LCLAT1: variants seen among roughly 807,000 people sequenced by gnomAD.
LCLAT1 encodes the protein 1-AGP acyltransferase 8.
A neutral mutation model predicts 30.7 loss-of-function variants in LCLAT1; 11 were observed. That is an observed-to-expected ratio of 0.36 (90% CI 0.23 to 0.59). LCLAT1 has a LOEUF of 0.59. Among genes scored for constraint, LCLAT1 ranks in the 20% least tolerant of loss-of-function variants. The probability of loss-of-function intolerance (pLI) is 0.77; values close to 1 mark genes in which losing one functional copy is unlikely to be tolerated. For missense variants in LCLAT1, 402 were observed against 458.6 expected, an observed-to-expected ratio of 0.88 and a Z score of 1.13; for synonymous variants, 155 against 151.3, an observed-to-expected ratio of 1.02 and a Z score of -0.18.
chr2:30,620,381 T>C (rs1668185501), intron 5 of LCLAT1, among the ~76,000 whole-genome samples: 1 of 152,204 alleles, frequency 6.6e-6, no homozygotes, highest in African/African-American at 2.4e-5. Flanking sequence ...CAAGTATTCT[T>C]AGGCTACTAG....
At chr2:30,552,893 C>G (rs918514497) in intron 3 of LCLAT1, among the ~76,000 whole-genome samples, 4 of 152,086 alleles carry the variant, frequency 2.6e-5, no homozygotes, top group Admixed American at 6.6e-5. Context: ...TAATAGAGGC[C>G]TATGGGTAGC....
At chr2:30,475,656 C>T (rs1025488348) in intron 1 of LCLAT1, among the ~76,000 whole-genome samples, 2 of 152,030 alleles carry the variant, frequency 1.3e-5, no homozygotes, top group Non-Finnish European at 2.9e-5. Context: ...ACAACTCAGC[C>T]CAGTATTTTT....
At chr2:30,461,476 G>C in intron 1 of LCLAT1, among the ~76,000 whole-genome samples, 1 of 152,062 alleles carries the variant, frequency 6.6e-6, no homozygotes, top group Non-Finnish European at 1.5e-5. Flanking sequence ...GCCTCCACTT[G>C]TCTTGAACTC....
At chr2:30,496,138 A>G (rs1684099813) in intron 1 of LCLAT1, among the ~76,000 whole-genome samples, 1 of 152,104 alleles carries the variant, frequency 6.6e-6, no homozygotes, top group Non-Finnish European at 1.5e-5. Flanking sequence ...ATTTTTATAA[A>G]CAACGAGATC....
intron 3 of LCLAT1, among the ~76,000 whole-genome samples, chr2:30,556,302 A>G (rs1005019073): frequency 2.0e-5 from 3 of 152,186 alleles, no homozygotes; most frequent in Non-Finnish European, 4.4e-5. Flanking sequence ...ATATCATAAA[A>G]CATTCTTCTT....
intron 1 of LCLAT1, among the ~76,000 whole-genome samples, chr2:30,474,980 G>C (rs1259159723): frequency 2.0e-5 from 3 of 151,536 alleles, no homozygotes; most frequent in East Asian, 1.9e-4. Flanking sequence ...CACAGATCCA[G>C]GTTCAGATTT....
intron 3 of LCLAT1, among the ~76,000 whole-genome samples, chr2:30,534,004 A>G (rs1459064722): frequency 6.6e-6 from 1 of 152,186 alleles, no homozygotes; most frequent in Non-Finnish European, 1.5e-5. Context: ...ACATGGGTAT[A>G]TGAAGTACCC....
At chr2:30,478,088 A>AG (rs1454525358) in intron 1 of LCLAT1, among the ~76,000 whole-genome samples, 8 of 151,646 alleles carry the variant, frequency 5.3e-5, no homozygotes, top group Admixed American at 5.3e-4. Flanking sequence ...AAAAAAAAAA[A>AG]AGGCATAAGC....
intron 1 of LCLAT1, among the ~76,000 whole-genome samples, chr2:30,513,021 A>G (rs1685014092): frequency 6.6e-6 from 1 of 152,200 alleles, no homozygotes; most frequent in African/African-American, 2.4e-5. Flanking sequence ...AAAGGGTGGT[A>G]CTTAATTTAC....
In LCLAT1 at chr2:30,643,560, A is replaced by G. The variant is rs557445176; in HGVS notation, c.*2941A>G. On this transcript the variant is annotated 3_prime_UTR_variant, in exon 6 of 6. Transcript: ENST00000379509. ...GCTTCCACTTGAGTCACTTTGAAAT[A>G]GTTAATTCAACAGCACCATGTTAGA... is the stretch of plus-strand genomic sequence containing the variant. 1 of 152,704 alleles carries G rather than the reference A, an allele frequency of 6.5e-6. No homozygotes were observed. The highest frequency in any genetic ancestry group is 2.4e-5 in the African/African-American group (1 of 41,546). The allele number at this position is 152,704 out of a possible 1,614,324, so 9.5% of individuals were successfully genotyped here.
chr2:30,554,100 C>T (rs1391348757), intron 3 of LCLAT1, among the ~76,000 whole-genome samples: 2 of 152,102 alleles, frequency 1.3e-5, no homozygotes, highest in Non-Finnish European at 2.9e-5. Context: ...GATTTAGAAA[C>T]ATTGGCTTGG....
intron 5 of LCLAT1, among the ~76,000 whole-genome samples, chr2:30,604,496 CTTTA>C (rs1667335230): frequency 6.6e-6 from 1 of 151,954 alleles, no homozygotes; most frequent in African/African-American, 2.4e-5. Context: ...TCCAATAAAA[CTTTA>C]TTTATGGACA....
At chr2:30,550,725 T>A (rs1418942509) in intron 3 of LCLAT1, among the ~76,000 whole-genome samples, 1 of 152,088 alleles carries the variant, frequency 6.6e-6, no homozygotes, top group Non-Finnish European at 1.5e-5. Flanking sequence ...ATTTACATAC[T>A]CAATCCACTA....
chr2:30,453,955 G>T (rs1000214086), intron 1 of LCLAT1, among the ~76,000 whole-genome samples: 5 of 152,166 alleles, frequency 3.3e-5, no homozygotes, highest in African/African-American at 1.2e-4. Context: ...CCCAAAGAAG[G>T]TACGGGGCAT....
intron 5 of LCLAT1, among the ~76,000 whole-genome samples, chr2:30,628,595 G>A (rs1668621693): frequency 1.3e-5 from 2 of 152,122 alleles, no homozygotes; most frequent in Non-Finnish European, 2.9e-5. Flanking sequence ...GCAGAAGAGA[G>A]AAGGGAAACT....
At position 30,643,758 on chromosome 2, in the gene LCLAT1, G is replaced by T. The variant is rs1161059570; in HGVS notation, c.*3139G>T. 1 of 152,626 alleles carries T rather than the reference G, an allele frequency of 6.6e-6. No individual in the cohort carries two copies. The highest frequency in any genetic ancestry group is 1.5e-5 in the Non-Finnish European group (1 of 68,034). The allele number at this position is 152,626 out of a possible 1,614,324, so 9.5% of individuals were successfully genotyped here. A position where few individuals can be genotyped will look rare whatever the true frequency, so the allele number is the denominator to read the frequency against. ...TCTTTATACAAATAATGTGCTTTCA[G>T]TGCCTTAGTTACAGCTCCCTTTCTG... is the stretch of plus-strand genomic sequence containing the variant. On this transcript the variant is annotated 3_prime_UTR_variant, in exon 6 of 6. Transcript: ENST00000379509.
chr2:30,501,027 ACTC>A (rs1684351053), intron 1 of LCLAT1, among the ~76,000 whole-genome samples: 1 of 142,182 alleles, frequency 7.0e-6, no homozygotes, highest in African/African-American at 2.6e-5. Flanking sequence ...CTGTTGACCA[ACTC>A]CTCTTCCTTA....
intron 2 of LCLAT1, among the ~76,000 whole-genome samples, chr2:30,528,245 C>T (rs1685818815): frequency 6.6e-6 from 1 of 152,124 alleles, no homozygotes; most frequent in African/African-American, 2.4e-5. Context: ...CAGCCATGTG[C>T]ACAGTTAAAA....
intron 5 of LCLAT1, among the ~76,000 whole-genome samples, chr2:30,604,376 C>T (rs1161923118): frequency 2.0e-5 from 3 of 152,198 alleles, no homozygotes; most frequent in East Asian, 1.9e-4. Flanking sequence ...CATTGGTAAG[C>T]GTTTTCTGTA....
Sources: allele counts gnomAD v4.1 joint callset (sites outside exome capture counted in the v4.1 genomes callset), GRCh38; gene constraint gnomAD v4.1.1; transcripts MANE v1.5; gene names NCBI Gene and HGNC (gene_info 2026-07-23, HGNC 2026-07-21).